Variants in GPHN observed in about 807,000 individuals in gnomAD.
GPHN encodes gephyrin.
Under a neutral mutation model 95.5 loss-of-function variants are expected in GPHN, and 17 were observed. The ratio of observed to expected loss-of-function variants is 0.18; its 90% CI spans 0.12 to 0.27. The LOEUF (loss-of-function observed/expected upper bound fraction) is 0.27, where lower values mean the gene tolerates loss of function less well. GPHN is among the 10% of genes least tolerant of loss of function. The pLI is 1.00. For missense variants in GPHN, 660 were observed against 978.1 expected (o/e 0.67, Z 4.34); for synonymous variants, 320 against 322.5 (o/e 0.99, Z 0.08).
chr14:67,466,432 G>A, the GPHN span, among the ~76,000 whole-genome samples: 5 of 152,234 alleles, frequency 3.3e-5, no homozygotes, highest in African/African-American at 4.8e-5. Flanking sequence ...TTTGGAAAGA[G>A]GGAGGAGGAC....
At chr14:66,645,575 C>CCAGCTA (rs1355657627) in intron 1 of GPHN, among the ~76,000 whole-genome samples, 1 of 151,516 alleles carries the variant, frequency 6.6e-6, no homozygotes, top group South Asian at 2.1e-4. Flanking sequence ...ACTTGCAATC[C>CCAGCTA]CAGCTACTTG....
chr14:67,573,933 G>C, the GPHN span: 3 of 1,401,544 alleles, frequency 2.1e-6, no homozygotes, highest in Non-Finnish European at 3.0e-6. This position sits in a 1 kb window ranked among gnomAD's most constrained non-coding sequence, Gnocchi z 4.8. Flanking sequence ...AAGAGGTGCT[G>C]GGTTTGGATA....
intron 2 of GPHN, among the ~76,000 whole-genome samples, chr14:66,754,386 T>G (rs1328630973): frequency 6.6e-6 from 1 of 151,998 alleles, no homozygotes; most frequent in Non-Finnish European, 1.5e-5. Context: ...ATACTACTAG[T>G]GACTTTCATA....
intron 1 of GPHN, among the ~76,000 whole-genome samples, chr14:66,583,985 C>G (rs1362911370): frequency 6.6e-6 from 1 of 152,132 alleles, no homozygotes; most frequent in African/African-American, 2.4e-5. Context: ...GCAGTATGGC[C>G]ATTTTCACGA....
chr14:67,451,854 G>T, the GPHN span, among the ~76,000 whole-genome samples: 1 of 152,156 alleles, frequency 6.6e-6, no homozygotes, highest in Non-Finnish European at 1.5e-5. Context: ...GATTCGGGAG[G>T]GGCCAGGGGT....
At chr14:66,747,099 T>G (rs1384820986) in intron 2 of GPHN, among the ~76,000 whole-genome samples, 1 of 152,192 alleles carries the variant, frequency 6.6e-6, no homozygotes, top group East Asian at 1.9e-4. Flanking sequence ...TCAGAGGTAG[T>G]GGAGGAAAAT....
chr14:66,874,203 G>A (rs893645207), intron 4 of GPHN, among the ~76,000 whole-genome samples: 2 of 152,136 alleles, frequency 1.3e-5, no homozygotes, highest in Non-Finnish European at 2.9e-5. Context: ...GAGAGGAATA[G>A]CATCAACATC....
At chr14:67,205,128 G>A in the GPHN span, 1 of 1,508,592 alleles carries the variant, frequency 6.6e-7, no homozygotes, top group Non-Finnish European at 8.9e-7. Context: ...TAATAATCGA[G>A]AACTAGAGGG....
downstream of GPHN, among the ~76,000 whole-genome samples, chr14:67,185,437 A>G (rs117649590): frequency 2.6e-5 from 4 of 152,364 alleles, no homozygotes; most frequent in East Asian, 1.9e-4. Context: ...AAATATTTCT[A>G]CTTGGCACGG....
chr14:66,900,856 G>A lies in GPHN; in HGVS notation c.390-15147G>A, dbSNP rs546048545. ...ATAGTGCTGCAGTAAATGTGAGAGT[G>A]CAGATGTCTTTTCAATATGTTGATT... On this transcript the variant is annotated intron_variant, in intron 5 of 22. Transcript: ENST00000478722. Among the ~76,000 whole-genome samples, 3 of 152,128 alleles carry A rather than the reference G, an allele frequency of 2.0e-5. No individual in the cohort carries two copies. In the East Asian group the frequency reaches 5.8e-4, roughly 29 times the overall value.
intron 1 of GPHN, among the ~76,000 whole-genome samples, chr14:66,655,868 T>G (rs913063338): frequency 1.3e-5 from 2 of 152,184 alleles, no homozygotes; most frequent in Non-Finnish European, 2.9e-5. Flanking sequence ...TGATTGTGTT[T>G]CTTCAAACTG....
At chr14:66,879,853 A>G in intron 4 of GPHN, 86 bp from the exon 5 acceptor site, 3 of 837,266 alleles carry the variant, frequency 3.6e-6, no homozygotes, top group African/African-American at 1.7e-5. Flanking sequence ...CCTGGTTTAT[A>G]ATCATTTTTA....
At chr14:67,334,657 A>T in the GPHN span, 1 of 152,502 alleles carries the variant, frequency 6.6e-6, no homozygotes, top group African/African-American at 2.4e-5. Context: ...TTTCAAGATA[A>T]TGTTCCTTAG....
At position 66,902,404 on chromosome 14, in the gene GPHN, G is replaced by GA. The variant is rs34500819; in HGVS notation, c.390-13592dup. On this transcript the variant is annotated intron_variant, in intron 5 of 22. Transcript: ENST00000478722. Reference sequence around the variant, plus strand: ...TTGCTCTGGCCAGGACTTCCATTTTGAAAAAAAGTAGTGACAGTGAAGATC... The same window carrying GA: ...TTGCTCTGGCCAGGACTTCCATTTTGAAAAAAAAGTAGTGACAGTGAAGATC... Among the ~76,000 whole-genome samples the GA allele has an allele frequency of 1.5e-3, 231 of 151,526 alleles. 1 individual carries two copies. The highest frequency in any genetic ancestry group is 5.5e-3 in the African/African-American group (228 of 41,420).
At chr14:66,760,508 G>A (rs2058718678) in intron 2 of GPHN, 1 of 231,312 alleles carries the variant, frequency 4.3e-6, no homozygotes, top group African/African-American at 2.3e-5. Context: ...ACAATGGGTT[G>A]GTGGGGGCCC....
the GPHN span, chr14:67,651,209 T>C: frequency 7.9e-7 from 1 of 1,269,674 alleles, no homozygotes; most frequent in East Asian, 2.5e-5. Flanking sequence ...TTGTTGCTGT[T>C]GTTCCTTCAC....
chr14:66,620,886 A>G (rs2063262221), intron 1 of GPHN, among the ~76,000 whole-genome samples: 1 of 152,208 alleles, frequency 6.6e-6, no homozygotes, highest in Non-Finnish European at 1.5e-5. Flanking sequence ...TTGGGTAAAT[A>G]CAACCATTCC....
At position 67,171,936 on chromosome 14, in the gene GPHN, G is replaced by A. The variant is rs369582079; in HGVS notation, c.2079+2900G>A. ...TGGACACCTACAGACCTCACAATGG[G>A]AAACCCTGCAGCCCTCACAAGCATG... On this transcript the variant is annotated intron_variant, in intron 21 of 22. Transcript: ENST00000478722. Among the ~76,000 whole-genome samples the A allele has an allele frequency of 2.6e-5, 4 of 152,098 alleles. No individual in the cohort carries two copies. The East Asian group carries it at 7.7e-4, about 29-fold the overall frequency.
intron 4 of GPHN, among the ~76,000 whole-genome samples, chr14:66,859,358 G>A (rs917934329): frequency 6.6e-6 from 1 of 152,208 alleles, no homozygotes; most frequent in Non-Finnish European, 1.5e-5. Flanking sequence ...GAGAACAAGA[G>A]TCTCTGTGTG....
Sources: gnomAD v4.1 joint callset for allele counts (sites outside exome capture counted in the v4.1 genomes callset) on GRCh38, gnomAD v4.1.1 for gene constraint, Gnocchi (gnomAD v3.1) non-coding constraint, MANE v1.5 for transcripts, NCBI Gene and HGNC (gene_info 2026-07-23, HGNC 2026-07-21) for gene names.